Variants in AIG1 observed in about 807,000 individuals in gnomAD.
AIG1 encodes androgen induced 1, also known as androgen-induced gene 1 protein.
A neutral mutation model predicts 31.4 loss-of-function variants in AIG1; 23 were observed. That is an observed-to-expected ratio of 0.73 (90% CI 0.53 to 1.04). The LOEUF (loss-of-function observed/expected upper bound fraction) is 1.04, where lower values mean the gene tolerates loss of function less well. Among genes scored for constraint, AIG1 ranks in the 50% least tolerant of loss-of-function variants. The pLI is 0.00. For synonymous variants in AIG1, 100 were observed against 110.5 expected (o/e 0.90, Z 0.60); for missense variants, 274 against 295.0 (o/e 0.93, Z 0.52).
Position 143,338,249 on chromosome 6 carries a change from T to G in AIG1, c.680-1390T>G. On this transcript the variant is annotated intron_variant, in intron 5 of 5. Transcript: ENST00000357847. The surrounding 1 kb of genome is among the most constrained non-coding windows in gnomAD (Gnocchi z 4.3). ...CTGTGCTGTTTTCTTCTTTCCGTGG[T>G]TACCCAACAACGAAGGCGTGTTGTA... The G allele has an allele frequency of 2.6e-6, 1 of 382,646 alleles. No individual in the cohort carries two copies. The highest frequency in any genetic ancestry group is 4.6e-6 in the Non-Finnish European group (1 of 216,522). The allele number at this position is 382,646 out of a possible 1,614,324, so 23.7% of individuals were successfully genotyped here. A position where few individuals can be genotyped will look rare whatever the true frequency, so the allele number is the denominator to read the frequency against.
intron 4 of AIG1, among the ~76,000 whole-genome samples, chr6:143,308,883 A>G (rs938465010): frequency 6.6e-6 from 1 of 152,180 alleles, no homozygotes; most frequent in Non-Finnish European, 1.5e-5. Context: ...AGCCTTTATC[A>G]TAAACAGTCT....
rs1448261612 is a variant in AIG1 at position 143,258,094 on chromosome 6, G to T, written c.400-26016G>T. 6.6e-6 allele frequency among the ~76,000 whole-genome samples: 1 copy of T among 152,168 alleles called. No individual in the cohort carries two copies. Among genetic ancestry groups the T allele is most frequent in the Non-Finnish European group, 1.5e-5 (1 of 68,036 alleles). ...CCAGAGTCCTCCAATTGAATCCATG[G>T]TATCAACAGTATTTGAATCTAGGTA... is the stretch of plus-strand genomic sequence containing the variant. On this transcript the variant is annotated intron_variant, in intron 3 of 5. Coordinates refer to ENST00000357847, the MANE Select transcript of AIG1 (RefSeq NM_016108.4). This position sits in a 1 kb window ranked among gnomAD's most constrained non-coding sequence, Gnocchi z 4.7.
chr6:143,342,774 CCTT>C, downstream of AIG1: 5 of 811,076 alleles, frequency 6.2e-6, no homozygotes, highest in South Asian at 6.7e-5. Context: ...CTGCAAACGT[CCTT>C]GTATTCTGTT....
At chr6:143,240,334 C>T (rs548106192) in intron 3 of AIG1, among the ~76,000 whole-genome samples, 1 of 152,306 alleles carries the variant, frequency 6.6e-6, no homozygotes, top group Non-Finnish European at 1.5e-5. Flanking sequence ...ACTTGAGTTT[C>T]AGAACAACCC....
rs1796297021 is a variant in AIG1 at position 143,268,401 on chromosome 6, AG to A, written c.400-15707del. ...AACGTGTGCCTTATTCAGCTGAATA[AG>A]GTGTTGAATAGCTACAAATTGATAA... On this transcript the variant is annotated intron_variant, in intron 3 of 5. Transcript: ENST00000357847. This position sits in a 1 kb window ranked among gnomAD's most constrained non-coding sequence, Gnocchi z 5.0. Among the ~76,000 whole-genome samples the A allele has an allele frequency of 2.0e-5, 3 of 152,306 alleles. No individual in the cohort carries two copies. The East Asian group carries it at 5.8e-4, about 29-fold the overall frequency.
chr6:143,095,371 C>A (rs1378954719), intron 1 of AIG1, among the ~76,000 whole-genome samples: 6 of 151,928 alleles, frequency 3.9e-5, no homozygotes, highest in Non-Finnish European at 8.8e-5. Context: ...GTCTTTCAGG[C>A]AAAACACATA....
chr6:143,119,690 G>C (rs1782077251), intron 1 of AIG1, among the ~76,000 whole-genome samples: 2 of 152,138 alleles, frequency 1.3e-5, no homozygotes, highest in South Asian at 4.1e-4. Flanking sequence ...CTGGAGTAAG[G>C]ACCTTGGGAA....
At chr6:143,242,740 A>T (rs1361608178) in intron 3 of AIG1, among the ~76,000 whole-genome samples, 1 of 152,226 alleles carries the variant, frequency 6.6e-6, no homozygotes, top group Non-Finnish European at 1.5e-5. Flanking sequence ...TAGTTTTTTT[A>T]AGCTTGGAAA....
chr6:143,085,506 A>G lies in AIG1; in HGVS notation c.141+24440A>G, dbSNP rs528420841. 3.9e-5 allele frequency among the ~76,000 whole-genome samples: 6 copies of G among 152,274 alleles called. No individual in the cohort carries two copies. In the South Asian group the frequency reaches 1.0e-3, roughly 26 times the overall value. ...CGTGCCCAACATTGCCTTTGTGCTC[A>G]GGGGTGAGTCCTAGAGCTGGGCTGG... On this transcript the variant is annotated intron_variant, in intron 1 of 5. Coordinates refer to ENST00000357847, the MANE Select transcript of AIG1 (RefSeq NM_016108.4).
At chr6:143,307,816 A>G (rs1171611480) in intron 4 of AIG1, among the ~76,000 whole-genome samples, 2 of 152,246 alleles carry the variant, frequency 1.3e-5, no homozygotes, top group African/African-American at 2.4e-5. Flanking sequence ...TGGAGCCTAC[A>G]GAGGCAGGCA....
chr6:143,185,305 C>G (rs946342516), intron 3 of AIG1, among the ~76,000 whole-genome samples: 1 of 152,148 alleles, frequency 6.6e-6, no homozygotes, highest in Admixed American at 6.6e-5. Flanking sequence ...TACTGAGGTG[C>G]TGGCTGACTT....
rs556457253 is a variant in AIG1, at chr6:143,252,744, C to T, written c.400-31366C>T. Reference sequence around the variant, plus strand: ...AAAACAACGCACATTTATCATTTCACGATTTCTGTAGATCAGGATTTCAGA... The same window carrying T: ...AAAACAACGCACATTTATCATTTCATGATTTCTGTAGATCAGGATTTCAGA... On this transcript the variant is annotated intron_variant, in intron 3 of 5. Coordinates refer to ENST00000357847, the MANE Select transcript of AIG1 (RefSeq NM_016108.4). Among the ~76,000 whole-genome samples, 17 of 152,304 alleles carry T rather than the reference C, an allele frequency of 1.1e-4. No individual in the cohort carries two copies. The East Asian group carries it at 1.2e-3, about 10-fold the overall frequency.
Position 143,339,953 on chromosome 6 carries a change from T to C in AIG1, c.*277T>C. The C allele has an allele frequency of 7.0e-6, 2 of 286,564 alleles. No homozygotes were observed. Among genetic ancestry groups the C allele is most frequent in the Non-Finnish European group, 1.3e-5 (2 of 156,280 alleles). 17.8% of individuals were successfully genotyped at this position (286,564 alleles called of 1,614,324 possible). ...CTAGTTTTAAAACCAGAATTGGACC[T>C]TGGATTTTTATTTTGGCAATTGTAA... On this transcript the variant is annotated 3_prime_UTR_variant, in exon 6 of 6. Coordinates refer to ENST00000357847, the MANE Select transcript of AIG1 (RefSeq NM_016108.4).
intron 2 of AIG1, among the ~76,000 whole-genome samples, chr6:143,148,564 G>A (rs1784902656): frequency 6.6e-6 from 1 of 151,800 alleles, no homozygotes; most frequent in African/African-American, 2.4e-5. Flanking sequence ...GGTGGCTCAT[G>A]CTTGTAATCT....
At chr6:143,181,539 G>A (rs1788718988) in intron 3 of AIG1, among the ~76,000 whole-genome samples, 2 of 152,162 alleles carry the variant, frequency 1.3e-5, no homozygotes, top group African/African-American at 2.4e-5. Flanking sequence ...ATTTTAATAT[G>A]AAGATTTGAT....
intron 1 of AIG1, among the ~76,000 whole-genome samples, chr6:143,083,923 C>G (rs1167318715): frequency 2.0e-5 from 3 of 152,146 alleles, no homozygotes; most frequent in Non-Finnish European, 4.4e-5. Flanking sequence ...CTAGAATGTC[C>G]TCTCTAACAA....
chr6:143,070,062 A>G (rs1347291819), intron 1 of AIG1, among the ~76,000 whole-genome samples: 3 of 152,228 alleles, frequency 2.0e-5, no homozygotes, highest in African/African-American at 7.2e-5. Context: ...GGTACCACAC[A>G]TTGTTGATTG....
intron 1 of AIG1, among the ~76,000 whole-genome samples, chr6:143,066,492 C>G (rs1356723296): frequency 6.6e-6 from 1 of 152,128 alleles, no homozygotes; most frequent in Non-Finnish European, 1.5e-5. Flanking sequence ...ACACTGGTCT[C>G]AAACTCTTGA....
chr6:143,190,254 T>A, intron 3 of AIG1: 2 of 985,470 alleles, frequency 2.0e-6, no homozygotes, highest in Non-Finnish European at 2.4e-6. Context: ...ACTTCTGATA[T>A]TTAATATCAT....
Sources: gnomAD v4.1 joint callset for allele counts (sites outside exome capture counted in the v4.1 genomes callset) on GRCh38, gnomAD v4.1.1 for gene constraint, Gnocchi (gnomAD v3.1) non-coding constraint, MANE v1.5 for transcripts, NCBI Gene and HGNC (gene_info 2026-07-23, HGNC 2026-07-21) for gene names.